The following CACNB4 variants were observed in gnomAD, a reference collection of about 807,000 sequenced individuals.
CACNB4 encodes the protein voltage-dependent L-type calcium channel subunit beta-4.
Under a neutral mutation model 71.2 loss-of-function variants are expected in CACNB4, and 32 were observed. The ratio of observed to expected loss-of-function variants is 0.45; its 90% CI spans 0.34 to 0.60. CACNB4 has a LOEUF of 0.60. CACNB4 is among the 20% of genes least tolerant of loss of function. The pLI is 0.01. For synonymous variants in CACNB4, 231 were observed against 236.9 expected (o/e 0.97, Z 0.23); for missense variants, 464 against 647.9 (o/e 0.72, Z 3.08).
intron 5 of CACNB4, among the ~76,000 whole-genome samples, chr2:151,875,665 T>A (rs372014003): frequency 5.0e-5 from 3 of 59,998 alleles, no homozygotes; most frequent in African/African-American, 1.7e-4. Context: ...GCTGGCCGGG[T>A]GGGGGGCTGA....
chr2:151,848,038 G>A (rs746250200), intron 12 of CACNB4, among the ~76,000 whole-genome samples: 1 of 152,166 alleles, frequency 6.6e-6, no homozygotes, highest in Non-Finnish European at 1.5e-5. Context: ...GACACTTGAT[G>A]TGAACCCAAA....
intron 2 of CACNB4, among the ~76,000 whole-genome samples, chr2:152,082,887 T>C (rs1320735968): frequency 1.3e-5 from 2 of 152,246 alleles, no homozygotes; most frequent in Non-Finnish European, 2.9e-5. Flanking sequence ...TGTACTTAAA[T>C]GTCACTGAAC....
At chr2:151,905,565 A>G (rs1416337879) in intron 2 of CACNB4, among the ~76,000 whole-genome samples, 1 of 152,224 alleles carries the variant, frequency 6.6e-6, no homozygotes, top group Non-Finnish European at 1.5e-5. Flanking sequence ...CCACAAATGT[A>G]TTTTGTACCT....
At chr2:151,926,889 T>C (rs1314609472) in intron 2 of CACNB4, among the ~76,000 whole-genome samples, 2 of 152,210 alleles carry the variant, frequency 1.3e-5, no homozygotes, top group Non-Finnish European at 2.9e-5. Context: ...GACTGCTACT[T>C]ACTAACTTTG....
intron 12 of CACNB4, chr2:151,851,490 T>C (rs1239007366): frequency 6.6e-6 from 1 of 152,256 alleles, no homozygotes; most frequent in Non-Finnish European, 1.5e-5. Flanking sequence ...GTTTGAAATC[T>C]CTGACCTGGG....
chr2:151,945,336 C>T (rs991877562), intron 2 of CACNB4, among the ~76,000 whole-genome samples: 10 of 152,210 alleles, frequency 6.6e-5, no homozygotes, highest in Non-Finnish European at 1.3e-4. Context: ...CCTGCCTGCA[C>T]TTGCCCAGGG....
chr2:152,098,950 T>C lies in CACNB4; in HGVS notation c.62A>G (p.Gln21Arg). 8.2e-7 allele frequency: 1 copy of C among 1,224,360 alleles called. No individual in the cohort carries two copies. The highest frequency in any genetic ancestry group is 1.1e-6 in the Non-Finnish European group (1 of 944,142). The allele number at this position is 1,224,360 out of a possible 1,614,324, so 75.8% of individuals were successfully genotyped here. ...TADGPHSPTS[Q>R]VARGTTTRRS... ...AGAAGGGGGAGGAGGGGGCGGTACCTGCGAGGTGGGGGAGTGCGGCCCGTC... is the reference window on the plus strand; with the variant it reads ...AGAAGGGGGAGGAGGGGGCGGTACCCGCGAGGTGGGGGAGTGCGGCCCGTC... Residue 21 changes from glutamine to arginine, a missense_variant and splice_region_variant, in exon 1 of 14, where the codon CAG (glutamine) becomes CGG (arginine). This residue lies in a region of CACNB4 where 50 missense variants were observed against 47.5 expected (regional missense o/e 1.05). Coordinates refer to ENST00000539935, the MANE Select transcript of CACNB4 (RefSeq NM_000726.5). This position sits in a 1 kb window ranked among gnomAD's most constrained non-coding sequence, Gnocchi z 5.3.
rs374272603 is a variant in CACNB4, at chr2:151,863,807, ATTTGCTAATACAAGTTAG to A, written c.759-3005_759-2988del. ...AATAAAGGGCACGTTTTCTCATTTT[ATTTGCTAATACAAGTTAG>A]TTTGCTAATACAAGTTATTGATTAA... On this transcript the variant is annotated intron_variant, in intron 9 of 13. Transcript: ENST00000539935. Among the ~76,000 whole-genome samples, 1,053 of 152,298 alleles carry A rather than the reference ATTTGCTAATACAAGTTAG, an allele frequency of 6.9e-3. 7 individuals carry two copies. Among genetic ancestry groups the A allele is most frequent in the African/African-American group, 0.023 (941 of 41,554 alleles).
At chr2:151,845,378 A>G (rs2099837289) in intron 12 of CACNB4, among the ~76,000 whole-genome samples, 1 of 152,226 alleles carries the variant, frequency 6.6e-6, no homozygotes, top group African/African-American at 2.4e-5. Context: ...ATTTTCATCT[A>G]GGAAGAATTT....
intron 8 of CACNB4, 110 bp downstream of exon 8, chr2:151,870,421 T>A (rs1487930424): frequency 1.2e-6 from 1 of 862,730 alleles, no homozygotes; most frequent in Non-Finnish European, 1.9e-6. Flanking sequence ...TGCTGAGCAC[T>A]GGCTTCCATC....
intron 2 of CACNB4, among the ~76,000 whole-genome samples, chr2:152,005,846 A>G (rs1447554464): frequency 6.6e-6 from 1 of 152,080 alleles, no homozygotes; most frequent in Non-Finnish European, 1.5e-5. Flanking sequence ...CCATTTCCTT[A>G]TTTGTAAATA....
intron 2 of CACNB4, among the ~76,000 whole-genome samples, chr2:152,053,179 G>A (rs1426013418): frequency 3.9e-5 from 6 of 152,140 alleles, no homozygotes; most frequent in Non-Finnish European, 8.8e-5. Context: ...CAAGAAGGGG[G>A]CTGGTCAGGA....
intron 2 of CACNB4, among the ~76,000 whole-genome samples, chr2:152,026,834 T>A (rs888702633): frequency 6.6e-6 from 1 of 152,158 alleles, no homozygotes; most frequent in African/African-American, 2.4e-5. Context: ...ACCAATGGTA[T>A]CCATATTGTT....
chr2:152,055,038 G>A (rs1344379958), intron 2 of CACNB4, among the ~76,000 whole-genome samples: 1 of 152,138 alleles, frequency 6.6e-6, no homozygotes, highest in East Asian at 1.9e-4. Flanking sequence ...TTAAGACAGA[G>A]CCTTGCTCTG....
chr2:152,030,625 G>A (rs904390604), intron 2 of CACNB4, among the ~76,000 whole-genome samples: 32 of 152,262 alleles, frequency 2.1e-4, no homozygotes, highest in African/African-American at 7.0e-4. Flanking sequence ...AGGCCCCAGT[G>A]TGTGATGTTC....
chr2:151,990,442 T>G (rs1194066823), intron 2 of CACNB4, among the ~76,000 whole-genome samples: 1 of 152,224 alleles, frequency 6.6e-6, no homozygotes, highest in East Asian at 1.9e-4. Context: ...TACACATCCC[T>G]GCTGTGGGGT....
intron 3 of CACNB4, among the ~76,000 whole-genome samples, chr2:151,882,117 G>A (rs1359923473): frequency 7.8e-6 from 1 of 128,862 alleles, no homozygotes; most frequent in Non-Finnish European, 1.7e-5. Flanking sequence ...CTGACCTCAT[G>A]ATCTGCCCGC....
intron 2 of CACNB4, among the ~76,000 whole-genome samples, chr2:151,904,490 T>C (rs926840917): frequency 5.9e-5 from 9 of 151,998 alleles, no homozygotes; most frequent in African/African-American, 2.2e-4. Context: ...CATAAATTAG[T>C]GAACCCTAAC....
chr2:151,880,881 G>A lies in CACNB4; in HGVS notation c.309C>T (p.Tyr103=), dbSNP rs1317526857. 1.9e-6 allele frequency: 3 copies of A among 1,613,420 alleles called. No homozygotes were observed. Among genetic ancestry groups the A allele is most frequent in the Non-Finnish European group, 2.5e-6 (3 of 1,179,658 alleles). The change falls in exon 4 of 14, where the codon TAC becomes TAT. Residue 103 remains tyrosine (Y), a synonymous_variant. Transcript: ENST00000539935. ...VAFAVKTNVS[Y]CGALDEDVPV... is the part of the protein sequence containing the mutation. ...GCACATCCTCGTCCAGGGCGCCGCAGTAGCTCACATTTGTCTTCACGGCAA... is the reference window on the plus strand; with the variant it reads ...GCACATCCTCGTCCAGGGCGCCGCAATAGCTCACATTTGTCTTCACGGCAA...
Sources: allele counts gnomAD v4.1 joint callset (sites outside exome capture counted in the v4.1 genomes callset), GRCh38; gene constraint gnomAD v4.1.1; regional missense constraint gnomAD v4.1.1; non-coding constraint Gnocchi (gnomAD v3.1); transcripts MANE v1.5; gene names NCBI Gene and HGNC (gene_info 2026-07-23, HGNC 2026-07-21).